The following SLIT2 variants were observed in gnomAD, a reference collection of about 807,000 sequenced individuals.
The protein encoded by SLIT2 is slit homolog 2 protein.
Under a neutral mutation model 185.7 loss-of-function variants are expected in SLIT2, and 41 were observed. The observed-to-expected ratio is 0.22, with a 90% confidence interval of 0.17 to 0.29. The LOEUF (loss-of-function observed/expected upper bound fraction) is 0.29, where lower values mean the gene tolerates loss of function less well. SLIT2 is among the 10% of genes least tolerant of loss of function. SLIT2 has a pLI of 1.00. For synonymous variants in SLIT2, 693 were observed against 680.2 expected, an observed-to-expected ratio of 1.02 and a Z score of -0.29; for missense variants, 1,571 against 1,909.0, an observed-to-expected ratio of 0.82 and a Z score of 3.30.
In SLIT2 at chr4:20,254,685, C is replaced by G. The variant is rs190604183; in HGVS notation, c.179+691C>G. 2.0e-5 allele frequency among the ~76,000 whole-genome samples: 3 copies of G among 152,202 alleles called. No homozygotes were observed. The highest frequency in any genetic ancestry group is 6.5e-5 in the Admixed American group (1 of 15,304). On this transcript the variant is annotated intron_variant, in intron 1 of 36. Transcript: ENST00000504154. The surrounding 1 kb of genome is among the most constrained non-coding windows in gnomAD (Gnocchi z 5.1). ...TCAGCGGGCGACTGCGAGGGAGGAC[C>G]GTGTCCCATCCGTTAAGCGAAGTTA...
In SLIT2 at chr4:20,463,626, G is replaced by A. The variant is rs149475961; in HGVS notation, c.396-4126G>A. On this transcript the variant is annotated intron_variant, in intron 4 of 36. Coordinates refer to ENST00000504154, the MANE Select transcript of SLIT2 (RefSeq NM_004787.4). ...ACGGTGGTTCACGCCTGTAATCCTA[G>A]TATTTTGGGAGGCCGAGGCGGGTGG... Among the ~76,000 whole-genome samples, 68 of 149,576 alleles carry A rather than the reference G, an allele frequency of 4.5e-4. No homozygotes were observed. The East Asian group carries it at 6.3e-3, about 14-fold the overall frequency.
In SLIT2 at chr4:20,617,208, T is replaced by C; in HGVS notation, c.4136+10T>C. 2 of 1,534,446 alleles carry C rather than the reference T, an allele frequency of 1.3e-6. No homozygotes were observed. On this transcript the variant is annotated intron_variant, in intron 35 of 36. Coordinates refer to ENST00000504154, the MANE Select transcript of SLIT2 (RefSeq NM_004787.4). ...CTTGCCTTGGAAATAAGTAAGTTCC[T>C]GCTGCTTGGGAGTTGAGCACACACC... is the stretch of plus-strand genomic sequence containing the variant.
intron 6 of SLIT2, among the ~76,000 whole-genome samples, chr4:20,481,447 A>C (rs567429567): frequency 4.7e-4 from 72 of 152,224 alleles, no homozygotes; most frequent in African/African-American, 1.6e-3. Flanking sequence ...TTTAATGAAA[A>C]CTGTGGTTAC....
chr4:20,557,720 G>A (rs1182121372), intron 26 of SLIT2, among the ~76,000 whole-genome samples: 1 of 152,042 alleles, frequency 6.6e-6, no homozygotes, highest in African/African-American at 2.4e-5. Context: ...TACAGCAGCT[G>A]TACATAGTGG....
chr4:20,581,910 C>A (rs1577966908), intron 29 of SLIT2, among the ~76,000 whole-genome samples: 1 of 152,176 alleles, frequency 6.6e-6, no homozygotes, highest in Non-Finnish European at 1.5e-5. Context: ...CCACACCTGG[C>A]TAATTTTTGT....
At chr4:20,497,945 G>A (rs140273546) in intron 9 of SLIT2, among the ~76,000 whole-genome samples, 5 of 151,396 alleles carry the variant, frequency 3.3e-5, no homozygotes, top group Non-Finnish European at 5.9e-5. Flanking sequence ...AGGCCGAGGC[G>A]GGCAGATCAC....
intron 4 of SLIT2, among the ~76,000 whole-genome samples, chr4:20,284,178 T>C (rs946729500): frequency 2.0e-5 from 3 of 152,190 alleles, no homozygotes; most frequent in African/African-American, 4.8e-5. Context: ...GGGGCCCCTT[T>C]CCTTGTGTTG....
chr4:20,521,503 C>T (rs975506615), intron 12 of SLIT2, among the ~76,000 whole-genome samples: 1 of 152,194 alleles, frequency 6.6e-6, no homozygotes, highest in Non-Finnish European at 1.5e-5. Flanking sequence ...TGCAAAACAA[C>T]ATCTTTCAGT....
At chr4:20,438,855 A>G (rs1458491936) in intron 4 of SLIT2, among the ~76,000 whole-genome samples, 1 of 152,102 alleles carries the variant, frequency 6.6e-6, no homozygotes, top group African/African-American at 2.4e-5. Flanking sequence ...TTTATGTGTC[A>G]TTTTCCAGAT....
At chr4:20,359,846 G>A (rs1722600543) in intron 4 of SLIT2, among the ~76,000 whole-genome samples, 1 of 152,130 alleles carries the variant, frequency 6.6e-6, no homozygotes, top group African/African-American at 2.4e-5. Flanking sequence ...AAGTCTTGAA[G>A]CAGGAAGTAG....
chr4:20,382,105 T>C (rs1386330784), intron 4 of SLIT2, among the ~76,000 whole-genome samples: 1 of 152,110 alleles, frequency 6.6e-6, no homozygotes, highest in African/African-American at 2.4e-5. Context: ...GCATTGAAAT[T>C]CAATATATTA....
At chr4:20,400,783 C>T (rs1306623919) in intron 4 of SLIT2, among the ~76,000 whole-genome samples, 1 of 151,674 alleles carries the variant, frequency 6.6e-6, no homozygotes, top group African/African-American at 2.4e-5. Flanking sequence ...AAGAGGAATC[C>T]ATGGGAATGT....
Position 20,418,550 on chromosome 4 carries a change from T to G in SLIT2, c.396-49202T>G, listed in dbSNP as rs1265087689. Among the ~76,000 whole-genome samples the G allele has an allele frequency of 2.0e-5, 3 of 152,316 alleles. No individual in the cohort carries two copies. In the East Asian group the frequency reaches 5.8e-4, roughly 29 times the overall value. ...TATTTAATTTACTTTGATGAAAAGG[T>G]GTCATAAGAGCCTTTGACAACCCAC... is the stretch of plus-strand genomic sequence containing the variant. On this transcript the variant is annotated intron_variant, in intron 4 of 36. Transcript: ENST00000504154.
chr4:20,290,520 T>A (rs570556373), intron 4 of SLIT2, among the ~76,000 whole-genome samples: 24 of 152,264 alleles, frequency 1.6e-4, no homozygotes, highest in Non-Finnish European at 2.8e-4. Context: ...GAGTTTGGAA[T>A]CCCTATTAGC....
intron 26 of SLIT2, among the ~76,000 whole-genome samples, chr4:20,556,165 A>G (rs1430391541): frequency 1.3e-5 from 2 of 151,954 alleles, no homozygotes; most frequent in Admixed American, 6.6e-5. Context: ...TTCCTTTACG[A>G]TCCTAGATCT....
At chr4:20,266,949 C>T (rs1307289178) in intron 3 of SLIT2, among the ~76,000 whole-genome samples, 1 of 151,926 alleles carries the variant, frequency 6.6e-6, no homozygotes. Context: ...AATGCTTGCT[C>T]TGGCTAGAGA....
At chr4:20,265,102 C>A (rs1712889386) in intron 3 of SLIT2, among the ~76,000 whole-genome samples, 1 of 151,920 alleles carries the variant, frequency 6.6e-6, no homozygotes, top group African/African-American at 2.4e-5. Flanking sequence ...GATTTAACTT[C>A]AACTCATTTA....
At chr4:20,604,142 G>T (rs1728612229) in intron 33 of SLIT2, among the ~76,000 whole-genome samples, 2 of 152,126 alleles carry the variant, frequency 1.3e-5, no homozygotes, top group Admixed American at 1.3e-4. Context: ...TACTCTTCCT[G>T]CTCAAATATC....
intron 4 of SLIT2, among the ~76,000 whole-genome samples, chr4:20,390,714 T>A (rs527749433): frequency 1.6e-4 from 24 of 151,910 alleles, no homozygotes; most frequent in African/African-American, 5.3e-4. Context: ...TATCAACACA[T>A]TATTTTTCAA....
Sources: allele counts gnomAD v4.1 joint callset (sites outside exome capture counted in the v4.1 genomes callset), GRCh38; gene constraint gnomAD v4.1.1; non-coding constraint Gnocchi (gnomAD v3.1); transcripts MANE v1.5; gene names NCBI Gene and HGNC (gene_info 2026-07-23, HGNC 2026-07-21).